TMEM163: variants seen among roughly 807,000 people sequenced by gnomAD.
The protein encoded by TMEM163 is transmembrane protein 163.
In TMEM163, 17 loss-of-function variants were observed where a neutral mutation model predicts 29.3. The observed-to-expected ratio is 0.58, with a 90% confidence interval of 0.40 to 0.87. TMEM163 has a LOEUF of 0.87. Ranked by LOEUF, TMEM163 falls within the 40% of genes least tolerant of loss-of-function variation. The pLI, the probability that TMEM163 is intolerant of heterozygous loss-of-function variation, is 0.00. For synonymous variants in TMEM163, 157 were observed against 160.6 expected (o/e 0.98, Z 0.17); for missense variants, 303 against 381.5 (o/e 0.79, Z 1.71).
intron 5 of TMEM163, among the ~76,000 whole-genome samples, chr2:134,474,431 T>C (rs1686870441): frequency 1.0e-5 from 1 of 98,260 alleles, no homozygotes. Flanking sequence ...CTACAACTAA[T>C]ATCAACCAAC....
chr2:134,527,764 GC>G (rs1392923146), intron 4 of TMEM163, among the ~76,000 whole-genome samples: 2 of 152,278 alleles, frequency 1.3e-5, no homozygotes, highest in East Asian at 3.9e-4. Context: ...CACTGTAACA[GC>G]ATGGAAAGCC....
At chr2:134,700,301 T>C (rs1684669255) in intron 2 of TMEM163, among the ~76,000 whole-genome samples, 1 of 152,242 alleles carries the variant, frequency 6.6e-6, no homozygotes, top group Non-Finnish European at 1.5e-5. Context: ...AAACACTGAC[T>C]ATTTTCTATT....
intron 2 of TMEM163, among the ~76,000 whole-genome samples, chr2:134,558,518 G>C (rs1180040346): frequency 1.3e-5 from 2 of 152,162 alleles, no homozygotes; most frequent in African/African-American, 2.4e-5. Context: ...TAGAAAGACA[G>C]CTGGAAAATG....
At chr2:134,704,857 C>G (rs1483517228) in intron 2 of TMEM163, among the ~76,000 whole-genome samples, 3 of 152,266 alleles carry the variant, frequency 2.0e-5, no homozygotes, top group East Asian at 1.9e-4. Flanking sequence ...CTAGTTTCCT[C>G]TATCTGCTTG....
At chr2:134,661,909 T>C (rs1353925713) in intron 2 of TMEM163, among the ~76,000 whole-genome samples, 1 of 150,800 alleles carries the variant, frequency 6.6e-6, no homozygotes, top group Non-Finnish European at 1.5e-5. Flanking sequence ...TAAGTTTTCA[T>C]GGATTCATTA....
At chr2:134,512,449 G>T (rs1314011630) in intron 4 of TMEM163, among the ~76,000 whole-genome samples, 1 of 152,142 alleles carries the variant, frequency 6.6e-6, no homozygotes, top group Non-Finnish European at 1.5e-5. Flanking sequence ...ACAGAGCAAG[G>T]CTCTGTCTCA....
At chr2:134,674,781 T>TTG (rs1194678633) in intron 2 of TMEM163, among the ~76,000 whole-genome samples, 2 of 152,120 alleles carry the variant, frequency 1.3e-5, no homozygotes, top group African/African-American at 4.8e-5. Context: ...AACCACAATC[T>TTG]TGCGCAAAGG....
chr2:134,471,239 A>G (rs188961568), intron 5 of TMEM163, among the ~76,000 whole-genome samples: 14 of 152,310 alleles, frequency 9.2e-5, no homozygotes, highest in Non-Finnish European at 1.9e-4. Context: ...TACAAAATTC[A>G]TATGTTGAAG....
At chr2:134,514,404 TTTTAA>T (rs1375754449) in intron 4 of TMEM163, among the ~76,000 whole-genome samples, 12 of 114,114 alleles carry the variant, frequency 1.1e-4, no homozygotes, top group Admixed American at 1.8e-4. Context: ...TTTTTTTTTT[TTTTAA>T]AAAAAGAGGT....
rs115387433 is a variant in TMEM163, at chr2:134,629,479, T to A, written c.323-77388A>T. On this transcript the variant is annotated intron_variant, in intron 2 of 7. Coordinates refer to ENST00000281924, the MANE Select transcript of TMEM163 (RefSeq NM_030923.5). ...GATATAATTTTTGTAGATTAGAAGATCTGCCTTATCACATGGCAAGTTTGT... is the reference window on the plus strand; with the variant it reads ...GATATAATTTTTGTAGATTAGAAGAACTGCCTTATCACATGGCAAGTTTGT... Among the ~76,000 whole-genome samples the A allele has an allele frequency of 2.0e-5, 3 of 152,230 alleles. No homozygotes were observed. The East Asian group carries it at 5.8e-4, about 29-fold the overall frequency.
At chr2:134,608,817 G>A (rs1348097255) in intron 2 of TMEM163, among the ~76,000 whole-genome samples, 1 of 37,738 alleles carries the variant, frequency 2.6e-5, no homozygotes, top group African/African-American at 1.6e-4. Flanking sequence ...GACAGACCCC[G>A]AGAATTGTGC....
intron 4 of TMEM163, among the ~76,000 whole-genome samples, chr2:134,532,915 G>A (rs1343158740): frequency 6.6e-6 from 1 of 152,184 alleles, no homozygotes; most frequent in Non-Finnish European, 1.5e-5. Flanking sequence ...ACCATACTTT[G>A]GGAGTGACAG....
intron 2 of TMEM163, among the ~76,000 whole-genome samples, chr2:134,627,907 A>C (rs1251811605): frequency 6.6e-6 from 1 of 152,242 alleles, no homozygotes. Flanking sequence ...CTTCAATTTA[A>C]GAAGAAATAG....
intron 2 of TMEM163, among the ~76,000 whole-genome samples, chr2:134,703,817 G>T (rs986481565): frequency 6.2e-5 from 9 of 144,542 alleles, no homozygotes; most frequent in African/African-American, 2.3e-4. Flanking sequence ...CATTCTTAAC[G>T]TTCTTATAAC....
chr2:134,465,833 T>G (rs1164025004), intron 6 of TMEM163, among the ~76,000 whole-genome samples: 1 of 152,238 alleles, frequency 6.6e-6, no homozygotes, highest in Non-Finnish European at 1.5e-5. Flanking sequence ...AAGCCCTTTG[T>G]GCTTCATGAT....
chr2:134,565,934 C>G (rs1258862163), intron 2 of TMEM163, among the ~76,000 whole-genome samples: 2 of 152,104 alleles, frequency 1.3e-5, no homozygotes, highest in Non-Finnish European at 2.9e-5. Flanking sequence ...GTGGTCACCT[C>G]CAGGGCAGGG....
At chr2:134,474,832 A>T (rs1258319193) in intron 5 of TMEM163, among the ~76,000 whole-genome samples, 1 of 152,196 alleles carries the variant, frequency 6.6e-6, no homozygotes, top group Non-Finnish European at 1.5e-5. Flanking sequence ...ACTACAAAAT[A>T]TTACGGAGAT....
At chr2:134,594,155 T>G (rs1014123622) in intron 2 of TMEM163, among the ~76,000 whole-genome samples, 23 of 151,594 alleles carry the variant, frequency 1.5e-4, no homozygotes, top group African/African-American at 5.3e-4. Context: ...TCTGGCTTAC[T>G]CAAGAAACAC....
At chr2:134,610,069 A>G (rs1682465651) in intron 2 of TMEM163, among the ~76,000 whole-genome samples, 1 of 152,218 alleles carries the variant, frequency 6.6e-6, no homozygotes, top group Non-Finnish European at 1.5e-5. Flanking sequence ...GGGAAGAGGG[A>G]GAGAGTAAAC....
Sources: gnomAD v4.1 joint callset for allele counts (sites outside exome capture counted in the v4.1 genomes callset) on GRCh38, gnomAD v4.1.1 for gene constraint, MANE v1.5 for transcripts, NCBI Gene and HGNC (gene_info 2026-07-23, HGNC 2026-07-21) for gene names.